PCDH15: variants seen among roughly 807,000 people sequenced by gnomAD.
PCDH15 encodes the protein protocadherin related 15.
Under a neutral mutation model 178.5 loss-of-function variants are expected in PCDH15, and 129 were observed. That is an observed-to-expected ratio of 0.72 (90% confidence interval 0.63 to 0.84). The LOEUF is 0.84. Among genes scored for constraint, PCDH15 ranks in the 40% least tolerant of loss-of-function variants. The pLI, the probability that PCDH15 is intolerant of heterozygous loss-of-function variation, is 0.00. For synonymous variants in PCDH15, 800 were observed against 732.0 expected, an observed-to-expected ratio of 1.09 and a Z score of -1.50; for missense variants, 2,230 against 2,099.9, an observed-to-expected ratio of 1.06 and a Z score of -1.21.
chr10:54,223,249 G>A (rs1272375805), intron 9 of PCDH15, among the ~76,000 whole-genome samples: 2 of 146,748 alleles, frequency 1.4e-5, no homozygotes, highest in Non-Finnish European at 3.0e-5. Flanking sequence ...GGTGGAGGTT[G>A]TGGTGAGCCG....
At chr10:54,114,963 G>T (rs552665937) in intron 15 of PCDH15, among the ~76,000 whole-genome samples, 2 of 152,272 alleles carry the variant, frequency 1.3e-5, no homozygotes, top group East Asian at 3.9e-4. Context: ...ACAAAAATGT[G>T]AAGTCATTTT....
intron 2 of PCDH15, among the ~76,000 whole-genome samples, chr10:54,655,286 G>GAC (rs2094364738): frequency 7.9e-6 from 1 of 127,158 alleles, no homozygotes; most frequent in Admixed American, 7.4e-5. Flanking sequence ...GAGAGAGAGA[G>GAC]AGAGAGAGAG....
rs766772151 is a variant in PCDH15, at chr10:54,527,841, A to G, written c.128T>C (p.Ile43Thr). ...KLARGGPPAT[I>T]VAIDEESRNG... ...CCGACTTTCTTCATCAATAGCAACTATGGTAGCTGGTGGTCCTCCCCTAGC... is the reference window on the plus strand; with the variant it reads ...CCGACTTTCTTCATCAATAGCAACTGTGGTAGCTGGTGGTCCTCCCCTAGC... The change falls in exon 3 of 38, where the codon ATA becomes ACA. Residue 43 changes from isoleucine (I) to threonine (T), a missense_variant. By Grantham distance (89) the Ile-to-Thr change is moderately conservative. Coordinates refer to ENST00000644397, the MANE Select transcript of PCDH15 (RefSeq NM_001384140.1). The G allele has an allele frequency of 2.5e-5, 40 of 1,611,836 alleles. No individual in the cohort carries two copies. Among genetic ancestry groups the G allele is most frequent in the Non-Finnish European group, 3.2e-5 (38 of 1,178,464 alleles).
At chr10:54,550,280 A>G (rs920975237) in intron 2 of PCDH15, among the ~76,000 whole-genome samples, 1 of 152,170 alleles carries the variant, frequency 6.6e-6, no homozygotes, top group African/African-American at 2.4e-5. Flanking sequence ...TAGGAAACCA[A>G]CTGTTATTCT....
intron 2 of PCDH15, among the ~76,000 whole-genome samples, chr10:54,570,039 G>GGT (rs10535144): frequency 2.7e-5 from 4 of 150,712 alleles, no homozygotes; most frequent in African/African-American, 9.8e-5. Flanking sequence ...TACAATTAGG[G>GGT]GTGTGTGTGT....
chr10:54,714,318 T>C (rs2095455434), intron 1 of PCDH15, among the ~76,000 whole-genome samples: 1 of 152,106 alleles, frequency 6.6e-6, no homozygotes, highest in South Asian at 2.1e-4. Flanking sequence ...AGTGTAGAGA[T>C]GAGAAGAGAG....
At position 54,655,287 on chromosome 10, in the gene PCDH15, AGAGAGAGAGAGAG is replaced by A. The variant is rs1565866120; in HGVS notation, c.91+8872_91+8884del. On this transcript the variant is annotated intron_variant, in intron 2 of 37. Transcript: ENST00000644397. The stretch of plus-strand genomic sequence containing the variant: ...GAGAGAGAGAGAGAGAGAGAGAGAG[AGAGAGAGAGAGAG>A]AGACAGAGAGAGAGACAGAGAAAGA... Among the ~76,000 whole-genome samples, 153 of 129,124 alleles carry A rather than the reference AGAGAGAGAGAGAG, an allele frequency of 1.2e-3. 2 individuals carry two copies. Among genetic ancestry groups the A allele is most frequent in the African/African-American group, 4.1e-3 (144 of 35,510 alleles). 84.7% of individuals were successfully genotyped at this position (129,124 alleles called of 152,430 possible).
At chr10:55,491,137 T>G (rs1358469610) in intron 2 of PCDH15, among the ~76,000 whole-genome samples, 1 of 151,818 alleles carries the variant, frequency 6.6e-6, no homozygotes. Flanking sequence ...CCCTCTCTTT[T>G]AGATCTGTTT....
At chr10:54,122,192 G>A (rs11498094) in intron 15 of PCDH15, among the ~76,000 whole-genome samples, 4,455 of 151,934 alleles carry the variant, frequency 0.029, 238 homozygotes, top group African/African-American at 0.1. Flanking sequence ...GAGATTCAAG[G>A]TTGTTTCATC....
intron 2 of PCDH15, among the ~76,000 whole-genome samples, chr10:55,053,249 A>G (rs1189125719): frequency 6.6e-6 from 1 of 152,212 alleles, no homozygotes; most frequent in African/African-American, 2.4e-5. Flanking sequence ...TATGATAGAT[A>G]TCTTAGCACA....
chr10:53,859,174 C>T (rs1171063180), intron 27 of PCDH15, among the ~76,000 whole-genome samples: 1 of 152,094 alleles, frequency 6.6e-6, no homozygotes, highest in Non-Finnish European at 1.5e-5. Flanking sequence ...TCTCTGTTCC[C>T]TGAAGCTCCC....
intron 27 of PCDH15, among the ~76,000 whole-genome samples, chr10:53,863,615 G>A (rs2079248828): frequency 6.6e-6 from 1 of 152,088 alleles, no homozygotes; most frequent in African/African-American, 2.4e-5. Context: ...AAGAAGAATA[G>A]AAAAATGGAT....
intron 5 of PCDH15, among the ~76,000 whole-genome samples, chr10:54,368,474 A>C (rs1947134474): frequency 6.6e-6 from 1 of 152,078 alleles, no homozygotes; most frequent in African/African-American, 2.4e-5. Flanking sequence ...AAAAATAATT[A>C]ATACAGTAAC....
At chr10:55,337,632 T>C (rs539006668) in intron 2 of PCDH15, among the ~76,000 whole-genome samples, 1 of 152,222 alleles carries the variant, frequency 6.6e-6, no homozygotes, top group Admixed American at 6.5e-5. Flanking sequence ...GGTAAAAAAA[T>C]TCAAAGGTAC....
intron 1 of PCDH15, among the ~76,000 whole-genome samples, chr10:54,690,581 G>A (rs996709510): frequency 1.3e-5 from 2 of 151,948 alleles, no homozygotes; most frequent in Non-Finnish European, 2.9e-5. Flanking sequence ...CCAAAGTGCT[G>A]GGATTACAGG....
At chr10:55,081,926 C>T (rs192796708) in intron 2 of PCDH15, among the ~76,000 whole-genome samples, 73 of 152,102 alleles carry the variant, frequency 4.8e-4, no homozygotes, top group African/African-American at 1.7e-3. Flanking sequence ...ACATATAAAG[C>T]AAAAATTATT....
intron 3 of PCDH15, among the ~76,000 whole-genome samples, chr10:54,435,745 C>T (rs2075336295): frequency 6.6e-6 from 1 of 151,914 alleles, no homozygotes; most frequent in Admixed American, 6.6e-5. Context: ...CTGAGAAGGG[C>T]GGATCACGAG....
chr10:55,403,890 T>C (rs1315211615), intron 2 of PCDH15, among the ~76,000 whole-genome samples: 1 of 151,988 alleles, frequency 6.6e-6, no homozygotes, highest in Admixed American at 6.6e-5. Flanking sequence ...TCAAGTACTT[T>C]CTGAGGTTAA....
At chr10:55,518,363 C>A (rs1333096858) in intron 2 of PCDH15, among the ~76,000 whole-genome samples, 1 of 152,052 alleles carries the variant, frequency 6.6e-6, no homozygotes, top group Admixed American at 6.6e-5. Flanking sequence ...ATCTAACAGT[C>A]TGGATCATGA....
Sources: gnomAD v4.1 joint callset for allele counts (sites outside exome capture counted in the v4.1 genomes callset) on GRCh38, gnomAD v4.1.1 for gene constraint, MANE v1.5 for transcripts, NCBI Gene and HGNC (gene_info 2026-07-23, HGNC 2026-07-21) for gene names.